The following INTS1 variants were observed in gnomAD, a reference collection of about 807,000 sequenced individuals.
The protein encoded by INTS1 is integrator complex subunit 1.
Under a neutral mutation model 241.6 loss-of-function variants are expected in INTS1, and 137 were observed. The observed-to-expected ratio is 0.57, with a 90% CI of 0.49 to 0.65. INTS1 has a LOEUF of 0.65. Among genes scored for constraint, INTS1 ranks in the 30% least tolerant of loss-of-function variants. INTS1 has a pLI of 0.00. For missense variants in INTS1, 3,073 were observed against 3,032.2 expected, an observed-to-expected ratio of 1.01 and a Z score of -0.32; for synonymous variants, 1,692 against 1,337.8, an observed-to-expected ratio of 1.26 and a Z score of -5.78.
Position 1,476,917 on chromosome 7 carries a change from C to T in INTS1, c.4940G>A (p.Gly1647Asp). ...QLRLLFSRRK[G>D]KGQAQVPSFR... is the part of the protein sequence containing the mutation. ...CGAGGGCACCTGGGCCTGACCTTTGCCCTGGGGAGGGAGGAAGAAGCCCGG... is the reference window on the plus strand; with the variant it reads ...CGAGGGCACCTGGGCCTGACCTTTGTCCTGGGGAGGGAGGAAGAAGCCCGG... The change falls in exon 36 of 48, where the codon GGC becomes GAC. Residue 1647 changes from glycine to aspartate, a missense_variant and splice_region_variant. Coordinates refer to ENST00000404767, the MANE Select transcript of INTS1 (RefSeq NM_001080453.3). 4 of 1,609,932 alleles carry T rather than the reference C, an allele frequency of 2.5e-6. No individual in the cohort carries two copies. Among genetic ancestry groups the T allele is most frequent in the Non-Finnish European group, 3.4e-6 (4 of 1,179,198 alleles).
chr7:1,499,874 G>T lies in INTS1; in HGVS notation c.684+10C>A. The T allele has an allele frequency of 6.2e-7, 1 of 1,610,070 alleles. No homozygotes were observed. Among genetic ancestry groups the T allele is most frequent in the Non-Finnish European group, 8.5e-7 (1 of 1,177,640 alleles). On this transcript the variant is annotated intron_variant, in intron 5 of 47. Coordinates refer to ENST00000404767, the MANE Select transcript of INTS1 (RefSeq NM_001080453.3). ...CTGCCATCTTCACCGTCCCGGGAGA[G>T]GACGCTCACCTTGACAAAGATCTCG...
intron 24 of INTS1, 72 bp downstream of exon 24, chr7:1,485,026 C>T: frequency 1.6e-6 from 1 of 638,706 alleles, no homozygotes; most frequent in Non-Finnish European, 2.7e-6. Context: ...CCGTCCCCTC[C>T]CCAGGGCCAC....
intron 26 of INTS1, 40 bp from the exon 27 acceptor site, chr7:1,482,747 C>T (rs548618970): frequency 1.9e-5 from 31 of 1,601,140 alleles, no homozygotes; most frequent in East Asian, 2.2e-5. Flanking sequence ...TCAGACCCAC[C>T]GGGGCCCAGC....
At position 1,479,628 on chromosome 7, in the gene INTS1, G is replaced by C. The variant is rs1299328468; in HGVS notation, c.4131C>G (p.Ala1377=). 31 of 1,519,944 alleles carry C rather than the reference G, an allele frequency of 2.0e-5. No individual in the cohort carries two copies. Among genetic ancestry groups the C allele is most frequent in the Admixed American group, 8.3e-5 (4 of 48,224 alleles). The allele number at this position is 1,519,944 out of a possible 1,614,324, so 94.2% of individuals were successfully genotyped here. Reference sequence around the variant, plus strand: ...GGCCCAGGGCCTGCTGCAGGGCGAGGGCCACGGGGCGGGGACTGGAGCTCT... The same window carrying C: ...GGCCCAGGGCCTGCTGCAGGGCGAGCGCCACGGGGCGGGGACTGGAGCTCT... ...RWQSSSPRPV[A]LALQQALGQE... The change falls in exon 31 of 48, where the codon GCC becomes GCG. Residue 1377 remains alanine (A), a synonymous_variant. Coordinates refer to ENST00000404767, the MANE Select transcript of INTS1 (RefSeq NM_001080453.3).
intron 38 of INTS1, 44 bp downstream of exon 38, chr7:1,476,185 T>C: frequency 6.5e-7 from 1 of 1,534,156 alleles, no homozygotes; most frequent in Non-Finnish European, 8.8e-7. Flanking sequence ...ACCCCCTCCA[T>C]GGCTCACTCC....
intron 13 of INTS1, among the ~76,000 whole-genome samples, chr7:1,495,208 A>G (rs966700850): frequency 9.2e-5 from 14 of 152,228 alleles, no homozygotes; most frequent in Admixed American, 3.9e-4. Context: ...TCCAATGCAC[A>G]GGGTGACCTG....
In INTS1 at chr7:1,486,914, G is replaced by T; in HGVS notation, c.2826+8C>A. ...AGGCGGGGGGGCTGAGGGGTGGGCG[G>T]CCCTGACCTGCCGCTTCTTGGCCTT... On this transcript the variant is annotated splice_region_variant and intron_variant, in intron 21 of 47. Coordinates refer to ENST00000404767, the MANE Select transcript of INTS1 (RefSeq NM_001080453.3). 1 of 1,590,786 alleles carries T rather than the reference G, an allele frequency of 6.3e-7. No individual in the cohort carries two copies.
intron 33 of INTS1, 127 bp from the exon 34 acceptor site, chr7:1,478,063 G>C (rs1372791468): frequency 4.7e-6 from 4 of 850,052 alleles, no homozygotes; most frequent in Non-Finnish European, 5.7e-6. Flanking sequence ...AGTCCAGCCG[G>C]AGCCAGAGAG....
chr7:1,489,405 C>G lies in INTS1; in HGVS notation c.2258-1G>C. 6.2e-7 allele frequency: 1 copy of G among 1,606,658 alleles called. No individual in the cohort carries two copies. The highest frequency in any genetic ancestry group is 8.5e-7 in the Non-Finnish European group (1 of 1,177,398). On this transcript the variant is annotated splice_acceptor_variant, in intron 17 of 47. Transcript: ENST00000404767. LOFTEE classifies it high-confidence loss of function. ...GGGTACTCCTCCCACGCAGCCAGGCCTAGGGAACCGGAGGGTGTGGGGCTG... is the reference window on the plus strand; with the variant it reads ...GGGTACTCCTCCCACGCAGCCAGGCGTAGGGAACCGGAGGGTGTGGGGCTG...
Position 1,474,381 on chromosome 7 carries a change from C to A in INTS1, c.5637-21G>T, listed in dbSNP as rs760367761. ...GGTGCCTGCGGGCGCGGTGAGGGCC[C>A]AGTCAGCCCCGGCCGGCGGGCTCAC... On this transcript the variant is annotated intron_variant, in intron 40 of 47. Coordinates refer to ENST00000404767, the MANE Select transcript of INTS1 (RefSeq NM_001080453.3). 57 of 1,564,780 alleles carry A rather than the reference C, an allele frequency of 3.6e-5. No homozygotes were observed. In the Middle Eastern group the frequency reaches 8.8e-4, roughly 24 times the overall value.
At chr7:1,490,749 A>G (rs997588277) in intron 16 of INTS1, among the ~76,000 whole-genome samples, 5 of 152,272 alleles carry the variant, frequency 3.3e-5, no homozygotes, top group Non-Finnish European at 7.3e-5. Context: ...TGGAAATGAA[A>G]GGACCTAGAA....
chr7:1,494,608 G>T, intron 14 of INTS1: 1 of 616,986 alleles, frequency 1.6e-6, no homozygotes. Context: ...GGACGCAGAC[G>T]GCAGCTGAAT....
In INTS1 at chr7:1,480,831, G is replaced by C; in HGVS notation, c.3949+4C>G. ...TCTGTGCTGGCCCCACCCCTCCCCA[G>C]TACCTCGGCGGGGCGGCAGGGAGGC... On this transcript the variant is annotated splice_donor_region_variant and intron_variant, in intron 29 of 47. Transcript: ENST00000404767. 6.5e-7 allele frequency: 1 copy of C among 1,549,610 alleles called. No individual in the cohort carries two copies.
In INTS1 at chr7:1,495,469, G is replaced by A; in HGVS notation, c.1796C>T (p.Ser599Phe). ...AVWWLHTVVP[S>F]ISKLAPKDYV... is the part of the protein sequence containing the mutation. Reference sequence around the variant, plus strand: ...GTCCTTAGGGGCGAGCTTGCTGATGGAGGGGACCACAGTGTGGAGCCACCA... The same window carrying A: ...GTCCTTAGGGGCGAGCTTGCTGATGAAGGGGACCACAGTGTGGAGCCACCA... The change falls in exon 13 of 48, where the codon TCC (serine) becomes TTC (phenylalanine). Residue 599 changes from serine (S) to phenylalanine (F), a missense_variant. Coordinates refer to ENST00000404767, the MANE Select transcript of INTS1 (RefSeq NM_001080453.3). 2.5e-6 allele frequency: 4 copies of A among 1,612,680 alleles called. No homozygotes were observed. Among genetic ancestry groups the A allele is most frequent in the South Asian group, 1.1e-5 (1 of 91,080 alleles).
Position 1,504,335 on chromosome 7 carries a change from G to A in INTS1, c.-54C>T. ...GCGGCTCACTTACCTCTGGCCCATC[G>A]CGACCGGAGCGCCGCCGCCGCCACC... On this transcript the variant is annotated 5_prime_UTR_variant, in exon 1 of 48. Coordinates refer to ENST00000404767, the MANE Select transcript of INTS1 (RefSeq NM_001080453.3). 1 of 517,772 alleles carries A rather than the reference G, an allele frequency of 1.9e-6. No homozygotes were observed. Among genetic ancestry groups the A allele is most frequent in the Non-Finnish European group, 3.7e-6 (1 of 270,190 alleles). The allele number at this position is 517,772 out of a possible 1,614,324, so 32.1% of individuals were successfully genotyped here.
At position 1,498,527 on chromosome 7, in the gene INTS1, T is replaced by A. The variant is rs1428623419; in HGVS notation, c.1310A>T (p.Asn437Ile). 2 of 1,613,712 alleles carry A rather than the reference T, an allele frequency of 1.2e-6. No individual in the cohort carries two copies. The highest frequency in any genetic ancestry group is 1.7e-6 in the Non-Finnish European group (2 of 1,179,858). ...IRELLSAHKD[N>I]LGTTIKLVIF... is the part of the protein sequence containing the mutation. Reference sequence around the variant, plus strand: ...CACCAACTTGATGGTGGTGCCCAGGTTGTCCTTGTGCGCGCTCAGCAGCTC... The same window carrying A: ...CACCAACTTGATGGTGGTGCCCAGGATGTCCTTGTGCGCGCTCAGCAGCTC... Residue 437 changes from asparagine (N) to isoleucine (I), a missense_variant, in exon 10 of 48, where the codon AAC (asparagine) becomes ATC (isoleucine). Physicochemically the swap from Asn to Ile is moderately radical, Grantham distance 149. Transcript: ENST00000404767.
At position 1,478,435 on chromosome 7, in the gene INTS1, C is replaced by T. The variant is rs759138761; in HGVS notation, c.4561G>A (p.Val1521Ile). The T allele has an allele frequency of 4.3e-6, 7 of 1,612,458 alleles. No individual in the cohort carries two copies. In the Admixed American group the frequency reaches 5.0e-5, roughly 12 times the overall value. ...RQDLEVVSST[V>I]RAVIATLRSG... is the part of the protein sequence containing the mutation. ...CTCAGGGTGGCGATGACGGCACGGA[C>T]GGTGGAGCTGACCACCTCCAGGTCC... The change falls in exon 33 of 48, where the codon GTC becomes ATC. Residue 1521 changes from valine (V) to isoleucine (I), a missense_variant. Transcript: ENST00000404767.
intron 36 of INTS1, 34 bp from the exon 37 acceptor site, chr7:1,476,691 G>A (rs906357704): frequency 6.2e-7 from 1 of 1,611,970 alleles, no homozygotes; most frequent in Non-Finnish European, 8.5e-7. Context: ...AGCACGAGGT[G>A]TCTCGTCTCA....
At position 1,499,578 on chromosome 7, in the gene INTS1, TAC is replaced by T; in HGVS notation, c.737_738del (p.Cys246Ter). The stretch of plus-strand genomic sequence containing the variant: ...GTCTGGATGTTGTCCACAAACGTCT[TAC>T]AGTGAGGGCTGTCCACCCAGATCCG... Reference protein sequence around the residue: ...GERIWVDSPHCKTFVDNIQTA... With the variant: ...GERIWVDSPHXKTFVDNIQTA... On this transcript the variant is annotated frameshift_variant, in exon 6 of 48. Coordinates refer to ENST00000404767, the MANE Select transcript of INTS1 (RefSeq NM_001080453.3). LOFTEE classifies it high-confidence loss of function. 6.2e-7 allele frequency: 1 copy of T among 1,613,456 alleles called. No homozygotes were observed. The highest frequency in any genetic ancestry group is 8.5e-7 in the Non-Finnish European group (1 of 1,179,670).
Sources: gnomAD v4.1 joint callset for allele counts (sites outside exome capture counted in the v4.1 genomes callset) on GRCh38, gnomAD v4.1.1 for gene constraint, MANE v1.5 for transcripts, NCBI Gene and HGNC (gene_info 2026-07-23, HGNC 2026-07-21) for gene names.